Variants in SEZ6L observed in about 807,000 individuals in gnomAD.
SEZ6L encodes the protein seizure related 6 homolog like.
Under a neutral mutation model 106.2 loss-of-function variants are expected in SEZ6L, and 37 were observed. The observed-to-expected ratio is 0.35, with a 90% CI of 0.27 to 0.46. The LOEUF (loss-of-function observed/expected upper bound fraction) is 0.46. Ranked by LOEUF, SEZ6L falls within the 20% of genes least tolerant of loss-of-function variation. The pLI is 1.00. For missense variants in SEZ6L, 1,172 were observed against 1,332.8 expected (o/e 0.88, Z 1.88); for synonymous variants, 541 against 570.4 (o/e 0.95, Z 0.73).
At chr22:26,226,037 C>T (rs1360658320) in intron 1 of SEZ6L, among the ~76,000 whole-genome samples, 1 of 152,204 alleles carries the variant, frequency 6.6e-6, no homozygotes, top group Admixed American at 6.5e-5. Flanking sequence ...ATAAATATTT[C>T]TCAAAGTAAC....
intron 9 of SEZ6L, among the ~76,000 whole-genome samples, chr22:26,330,453 G>GAGGGA (rs960306142): frequency 2.0e-5 from 3 of 152,222 alleles, no homozygotes; most frequent in African/African-American, 7.2e-5. Context: ...AGGGTGGACA[G>GAGGGA]AGGGATCCTG....
chr22:26,251,164 G>T (rs1014452093), intron 1 of SEZ6L, among the ~76,000 whole-genome samples: 2 of 152,118 alleles, frequency 1.3e-5, no homozygotes, highest in Non-Finnish European at 2.9e-5. Context: ...TCTGGCTAGG[G>T]TCTCCAGCAC....
At chr22:26,363,816 G>A (rs988475115) in intron 12 of SEZ6L, among the ~76,000 whole-genome samples, 2 of 152,176 alleles carry the variant, frequency 1.3e-5, no homozygotes, top group Non-Finnish European at 2.9e-5. Context: ...TGCCTACGAT[G>A]GAATATTAGC....
chr22:26,346,807 G>A (rs957510047), intron 10 of SEZ6L, among the ~76,000 whole-genome samples: 20 of 152,168 alleles, frequency 1.3e-4, no homozygotes, highest in Non-Finnish European at 2.5e-4. Flanking sequence ...TAGAGAGCAA[G>A]AAGAGAAACT....
At chr22:26,253,623 G>T (rs2079691962) in intron 1 of SEZ6L, among the ~76,000 whole-genome samples, 1 of 152,064 alleles carries the variant, frequency 6.6e-6, no homozygotes, top group African/African-American at 2.4e-5. Flanking sequence ...TTATTATTTG[G>T]TTCTTTATCA....
chr22:26,380,485 G>A lies in SEZ6L; in HGVS notation c.*190G>A, dbSNP rs567634217. The A allele has an allele frequency of 2.1e-6, 1 of 472,100 alleles. No homozygotes were observed. Among genetic ancestry groups the A allele is most frequent in the East Asian group, 3.1e-5 (1 of 32,066 alleles). 29.2% of individuals were successfully genotyped at this position (472,100 alleles called of 1,614,324 possible). ...TTAAAAGTGAAATAGGTGTGGGTTT[G>A]GATGTTTCGCGGCCTCAGCCAAATT... On this transcript the variant is annotated 3_prime_UTR_variant, in exon 17 of 17. Coordinates refer to ENST00000248933, the MANE Select transcript of SEZ6L (RefSeq NM_021115.5).
At chr22:26,230,390 G>A (rs2078763738) in intron 1 of SEZ6L, among the ~76,000 whole-genome samples, 1 of 151,860 alleles carries the variant, frequency 6.6e-6, no homozygotes, top group African/African-American at 2.4e-5. Flanking sequence ...CTCGTGCTTT[G>A]GGACCCTGGT....
intron 13 of SEZ6L, among the ~76,000 whole-genome samples, chr22:26,366,061 G>A (rs758257753): frequency 4.6e-5 from 7 of 152,184 alleles, no homozygotes; most frequent in Non-Finnish European, 1.0e-4. Context: ...ACCAGGCACA[G>A]TAGCTCACGC....
intron 1 of SEZ6L, among the ~76,000 whole-genome samples, chr22:26,264,135 C>T (rs1469803072): frequency 6.6e-6 from 1 of 152,234 alleles, no homozygotes; most frequent in African/African-American, 2.4e-5. Context: ...GTGTTAGCAA[C>T]ACAAAGAGTA....
chr22:26,209,912 G>GGAGAGAGGA (rs369296372), intron 1 of SEZ6L, among the ~76,000 whole-genome samples: 24 of 141,570 alleles, frequency 1.7e-4, no homozygotes, highest in South Asian at 5.1e-4. Context: ...AGGAAAGAAG[G>GGAGAGAGGA]AGGAAATATG....
intron 1 of SEZ6L, among the ~76,000 whole-genome samples, chr22:26,272,531 A>T (rs1002176496): frequency 6.6e-6 from 1 of 152,196 alleles, no homozygotes; most frequent in Non-Finnish European, 1.5e-5. Flanking sequence ...GGCAGGGGTG[A>T]AGGATAAACT....
chr22:26,377,646 A>C, intron 15 of SEZ6L, 27 bp from the exon 16 acceptor site: 1 of 1,549,842 alleles, frequency 6.5e-7, no homozygotes, highest in Non-Finnish European at 8.9e-7. Context: ...GGGGAGAAGT[A>C]ACTTCTCTCT....
At chr22:26,206,549 A>C (rs908033012) in intron 1 of SEZ6L, among the ~76,000 whole-genome samples, 2 of 152,264 alleles carry the variant, frequency 1.3e-5, no homozygotes, top group African/African-American at 4.8e-5. Flanking sequence ...ACAGCTAATG[A>C]GATGAAGAGC....
intron 1 of SEZ6L, among the ~76,000 whole-genome samples, chr22:26,236,836 G>A (rs1287238876): frequency 6.6e-6 from 1 of 152,118 alleles, no homozygotes; most frequent in African/African-American, 2.4e-5. Context: ...CCTCAGCTTG[G>A]TGTGGCTACC....
chr22:26,278,411 T>G (rs1326455607), intron 1 of SEZ6L, among the ~76,000 whole-genome samples: 1 of 152,192 alleles, frequency 6.6e-6, no homozygotes, highest in East Asian at 1.9e-4. Context: ...TGGTGCCTGA[T>G]AGGTAAGTTT....
intron 9 of SEZ6L, among the ~76,000 whole-genome samples, chr22:26,339,039 ACT>A (rs2082741613): frequency 6.6e-6 from 1 of 150,452 alleles, no homozygotes. Flanking sequence ...GAGGTCTCCT[ACT>A]CTTTCTTGAG....
chr22:26,285,247 T>A (rs2080899265), intron 1 of SEZ6L, among the ~76,000 whole-genome samples: 1 of 152,120 alleles, frequency 6.6e-6, no homozygotes, highest in Admixed American at 6.5e-5. Flanking sequence ...AAGTGCAGAA[T>A]GAATGAATGA....
chr22:26,173,294 A>C (rs570420773), intron 1 of SEZ6L, among the ~76,000 whole-genome samples: 2 of 152,372 alleles, frequency 1.3e-5, no homozygotes, highest in Non-Finnish European at 2.9e-5. Context: ...TGCGATTGGC[A>C]TGAAGCAGAT....
In SEZ6L at chr22:26,222,989, A is replaced by C. The variant is rs866185232; in HGVS notation, c.94+53226A>C. The stretch of plus-strand genomic sequence containing the variant: ...TGATGCATGGGACAGCCTCCCACAA[A>C]AAAAAAAAAAATTATCTGGCCCCAA... On this transcript the variant is annotated intron_variant, in intron 1 of 16. Coordinates refer to ENST00000248933, the MANE Select transcript of SEZ6L (RefSeq NM_021115.5). Among the ~76,000 whole-genome samples the C allele has an allele frequency of 9.7e-3, 1,415 of 146,592 alleles. 27 individuals carry two copies. Among genetic ancestry groups the C allele is most frequent in the African/African-American group, 0.034 (1,332 of 38,822 alleles).
Sources: allele counts gnomAD v4.1 joint callset (sites outside exome capture counted in the v4.1 genomes callset), GRCh38; gene constraint gnomAD v4.1.1; transcripts MANE v1.5; gene names NCBI Gene and HGNC (gene_info 2026-07-23, HGNC 2026-07-21).